DEPDC1B: variants seen among roughly 807,000 people sequenced by gnomAD.
The protein encoded by DEPDC1B is DEP domain-containing protein 1B.
Under a neutral mutation model 66.5 loss-of-function variants are expected in DEPDC1B, and 51 were observed. That is an observed-to-expected ratio of 0.77 (90% CI 0.61 to 0.97). The LOEUF is 0.97. Among genes scored for constraint, DEPDC1B ranks in the 50% least tolerant of loss-of-function variants. DEPDC1B has a pLI of 0.00. For synonymous variants in DEPDC1B, 226 were observed against 223.6 expected, an observed-to-expected ratio of 1.01 and a Z score of -0.10; for missense variants, 552 against 637.1, an observed-to-expected ratio of 0.87 and a Z score of 1.44.
At chr5:60,606,416 G>T (rs1421139663) in intron 7 of DEPDC1B, among the ~76,000 whole-genome samples, 1 of 151,892 alleles carries the variant, frequency 6.6e-6, no homozygotes, top group Non-Finnish European at 1.5e-5. Flanking sequence ...TCTTAGTTAA[G>T]TGTGCTGATT....
chr5:60,672,647 C>G (rs1754068322), intron 2 of DEPDC1B, among the ~76,000 whole-genome samples: 1 of 152,106 alleles, frequency 6.6e-6, no homozygotes, highest in Non-Finnish European at 1.5e-5. Flanking sequence ...CATGTCATAC[C>G]TACATCTATT....
chr5:60,613,828 G>GTATATA (rs145523827), intron 7 of DEPDC1B, among the ~76,000 whole-genome samples: 16 of 144,488 alleles, frequency 1.1e-4, no homozygotes, highest in South Asian at 2.2e-4. Flanking sequence ...GTGTGTGTGT[G>GTATATA]TATACATAAA....
chr5:60,699,029 C>A (rs932506500), intron 1 of DEPDC1B, among the ~76,000 whole-genome samples: 1 of 152,134 alleles, frequency 6.6e-6, no homozygotes, highest in Non-Finnish European at 1.5e-5. Context: ...AAAGTAAAGA[C>A]CCATCAGCCC....
intron 2 of DEPDC1B, among the ~76,000 whole-genome samples, chr5:60,682,266 CAA>C (rs1186225257): frequency 6.6e-6 from 1 of 152,100 alleles, no homozygotes; most frequent in Non-Finnish European, 1.5e-5. Context: ...ATCGCAAGGA[CAA>C]AAAACCAAAC....
chr5:60,620,432 C>G (rs1479188015), intron 7 of DEPDC1B, among the ~76,000 whole-genome samples: 1 of 151,998 alleles, frequency 6.6e-6, no homozygotes, highest in Non-Finnish European at 1.5e-5. Flanking sequence ...TGAACTCGAA[C>G]AAATTTACAA....
At chr5:60,642,216 T>A (rs1219117135) in intron 6 of DEPDC1B, among the ~76,000 whole-genome samples, 1 of 152,230 alleles carries the variant, frequency 6.6e-6, no homozygotes, top group Non-Finnish European at 1.5e-5. Flanking sequence ...AATATCACTA[T>A]TATCAGTCAG....
In DEPDC1B at chr5:60,605,834, C is replaced by A; in HGVS notation, c.921G>T (p.Val307=). The change falls in exon 8 of 11, where the codon GTG becomes GTT. Residue 307 remains valine (V), a synonymous_variant. Coordinates refer to ENST00000265036, the MANE Select transcript of DEPDC1B (RefSeq NM_018369.3). ...SVLGLLQKEK[V]AVEAFQICCL... Reference sequence around the variant, plus strand: ...AGCAAATCTGAAATGCTTCAACTGCCACTTTCTCCTTCTGTAACAAACCTG... The same window carrying A: ...AGCAAATCTGAAATGCTTCAACTGCAACTTTCTCCTTCTGTAACAAACCTG... 2 of 1,610,782 alleles carry A rather than the reference C, an allele frequency of 1.2e-6. No homozygotes were observed. The highest frequency in any genetic ancestry group is 1.1e-5 in the South Asian group (1 of 90,156).
intron 7 of DEPDC1B, among the ~76,000 whole-genome samples, chr5:60,637,889 T>C (rs1753094630): frequency 6.6e-6 from 1 of 152,206 alleles, no homozygotes; most frequent in Admixed American, 6.5e-5. Context: ...GATACTTTGT[T>C]ACAATACAAT....
intron 7 of DEPDC1B, among the ~76,000 whole-genome samples, chr5:60,616,255 G>A (rs1194935099): frequency 1.4e-4 from 22 of 152,146 alleles, no homozygotes; most frequent in African/African-American, 4.3e-4. Flanking sequence ...CCAAAGGAAC[G>A]CAGCTCCTCA....
At chr5:60,683,366 A>G (rs921082620) in intron 2 of DEPDC1B, among the ~76,000 whole-genome samples, 1 of 152,176 alleles carries the variant, frequency 6.6e-6, no homozygotes, top group Non-Finnish European at 1.5e-5. Context: ...TGGGAGGTTG[A>G]GGCTGCAGTG....
Position 60,700,111 on chromosome 5 carries a change from G to A in DEPDC1B, c.-18C>T. On this transcript the variant is annotated 5_prime_UTR_variant, in exon 1 of 11. Transcript: ENST00000265036. Reference sequence around the variant, plus strand: ...TGCTCCATGGCGCGTAGGCAGCAGCGGCCGCAGCCGCGCCAGCGCTGATCC... The same window carrying A: ...TGCTCCATGGCGCGTAGGCAGCAGCAGCCGCAGCCGCGCCAGCGCTGATCC... 1.3e-6 allele frequency: 2 copies of A among 1,543,830 alleles called. No homozygotes were observed. Among genetic ancestry groups the A allele is most frequent in the Non-Finnish European group, 1.7e-6 (2 of 1,147,016 alleles).
intron 2 of DEPDC1B, among the ~76,000 whole-genome samples, chr5:60,668,180 ATTTTATATATATATAAAATGGATATT>A (rs1561384999): frequency 2.6e-3 from 19 of 7,264 alleles, no homozygotes; most frequent in Non-Finnish European, 4.5e-3. Context: ...TAAAATGGAT[ATTTTATATATATATAAAATGGATATT>A]TTATATATAT....
chr5:60,618,220 T>G (rs1752610372), intron 7 of DEPDC1B, among the ~76,000 whole-genome samples: 1 of 151,878 alleles, frequency 6.6e-6, no homozygotes, highest in South Asian at 2.1e-4. Context: ...ACATCACAAT[T>G]AAAAGAACTA....
In DEPDC1B at chr5:60,687,202, C is replaced by T. The variant is rs141738735; in HGVS notation, c.74G>A (p.Arg25His). 4.7e-5 allele frequency: 76 copies of T among 1,611,800 alleles called. No homozygotes were observed. Among genetic ancestry groups the T allele is most frequent in the Non-Finnish European group, 5.3e-5 (62 of 1,178,228 alleles). Residue 25 changes from arginine to histidine, a missense_variant, in exon 2 of 11, where the codon CGT becomes CAT. Arg to His is a conservative substitution (Grantham distance 29). Coordinates refer to ENST00000265036, the MANE Select transcript of DEPDC1B (RefSeq NM_018369.3). ...RLWNETVELF[R>H]AKMPLRKHRC... ...ATGTTTCCGTAACGGCATCTTAGCACGAAAAAGCTCCACGGTCTCATTCCA... is the reference window on the plus strand; with the variant it reads ...ATGTTTCCGTAACGGCATCTTAGCATGAAAAAGCTCCACGGTCTCATTCCA...
intron 2 of DEPDC1B, among the ~76,000 whole-genome samples, chr5:60,677,326 A>ACTCTCTCTCTCTCTCTCTCTCTCT (rs70975391): frequency 9.2e-6 from 1 of 108,526 alleles, no homozygotes; most frequent in African/African-American, 4.0e-5. Context: ...ACACACACAC[A>ACTCTCTCTCTCTCTCTCTCTCTCT]CTCTCTCTCT....
Position 60,661,721 on chromosome 5 carries a change from G to A in DEPDC1B, c.315-14188C>T, listed in dbSNP as rs149339698. On this transcript the variant is annotated intron_variant, in intron 2 of 10. Transcript: ENST00000265036. ...AAAAGTGCCGCCATAACTGCAGCCC[G>A]AGAGTTTGGCGATCTCTGGTATCTC... 3.6e-3 allele frequency among the ~76,000 whole-genome samples: 549 copies of A among 152,254 alleles called. 4 individuals carry two copies. Among genetic ancestry groups the A allele is most frequent in the African/African-American group, 0.013 (522 of 41,538 alleles).
At chr5:60,682,531 TA>T in intron 2 of DEPDC1B, among the ~76,000 whole-genome samples, 1 of 151,616 alleles carries the variant, frequency 6.6e-6, no homozygotes, top group Admixed American at 6.6e-5. Flanking sequence ...AAATAAAAAT[TA>T]AAAAATAAAG....
intron 2 of DEPDC1B, among the ~76,000 whole-genome samples, chr5:60,652,117 T>C (rs1167302207): frequency 6.7e-6 from 1 of 149,402 alleles, no homozygotes; most frequent in East Asian, 2.0e-4. Context: ...AATATGCATA[T>C]TTAATAAGCT....
At chr5:60,628,297 G>T (rs1441398144) in intron 7 of DEPDC1B, 3 of 152,054 alleles carry the variant, frequency 2.0e-5, no homozygotes, top group Non-Finnish European at 4.4e-5. Flanking sequence ...TTTCATCTTT[G>T]CAAAGTAGTC....
Sources: gnomAD v4.1 joint callset for allele counts (sites outside exome capture counted in the v4.1 genomes callset) on GRCh38, gnomAD v4.1.1 for gene constraint, MANE v1.5 for transcripts, NCBI Gene and HGNC (gene_info 2026-07-23, HGNC 2026-07-21) for gene names.